Variants in MTMR9 observed in about 807,000 individuals in gnomAD.
The protein encoded by MTMR9 is myotubularin-related protein 9.
A neutral mutation model predicts 69.5 loss-of-function variants in MTMR9; 39 were observed. The observed-to-expected ratio is 0.56, with a 90% CI of 0.43 to 0.73. The LOEUF (loss-of-function observed/expected upper bound fraction) is 0.73, where lower values mean the gene tolerates loss of function less well. Among genes scored for constraint, MTMR9 ranks in the 30% least tolerant of loss-of-function variants. The pLI is 0.00. For missense variants in MTMR9, 900 were observed against 671.2 expected (o/e 1.34, Z -3.77); for synonymous variants, 354 against 240.8 (o/e 1.47, Z -4.35).
At chr8:11,298,750 C>CT in intron 2 of MTMR9, 1 of 670,612 alleles carries the variant, frequency 1.5e-6, no homozygotes, top group East Asian at 1.7e-4. Flanking sequence ...TATAGAAATA[C>CT]TTTTTTCCAT....
At chr8:11,328,848 A>G (rs1801065339), downstream of MTMR9, among the ~76,000 whole-genome samples, 1 of 152,258 alleles carries the variant, frequency 6.6e-6, no homozygotes, top group South Asian at 2.1e-4. Flanking sequence ...GCCTTCTGAT[A>G]TGATCCATCC....
rs1482540515 is a variant in MTMR9 at position 11,324,507 on chromosome 8, G to GT, written c.*1721dup. On this transcript the variant is annotated 3_prime_UTR_variant, in exon 10 of 10. Transcript: ENST00000221086. ...TGTGTGAAATGTCCATCTTAGTTTT[G>GT]TTAAAAAAAAAAAAAAAAAAAGGAA... 3.5e-5 allele frequency: 3 copies of GT among 86,074 alleles called. No homozygotes were observed. Among genetic ancestry groups the GT allele is most frequent in the African/African-American group, 9.6e-5 (2 of 20,904 alleles). The allele number at this position is 86,074 out of a possible 1,614,324, so 5.3% of individuals were successfully genotyped here. A position where few individuals can be genotyped will look rare whatever the true frequency, so the allele number is the denominator to read the frequency against.
At chr8:11,300,955 T>C (rs1433560685) in intron 3 of MTMR9, among the ~76,000 whole-genome samples, 2 of 152,202 alleles carry the variant, frequency 1.3e-5, no homozygotes, top group Non-Finnish European at 2.9e-5. Flanking sequence ...ATGTGGTCTC[T>C]GTTGTAACTA....
intron 6 of MTMR9, among the ~76,000 whole-genome samples, chr8:11,311,807 A>G (rs1259578334): frequency 6.6e-6 from 1 of 151,998 alleles, no homozygotes; most frequent in African/African-American, 2.4e-5. Flanking sequence ...CCACGGTTGA[A>G]CTTGCAAAAT....
chr8:11,299,956 T>A, intron 2 of MTMR9, 67 bp from the exon 3 acceptor site: 1 of 1,555,584 alleles, frequency 6.4e-7, no homozygotes, highest in African/African-American at 1.4e-5. Flanking sequence ...AATACTAATT[T>A]GTCAGTTAGA....
intron 1 of MTMR9, among the ~76,000 whole-genome samples, chr8:11,287,919 A>T (rs1799235220): frequency 7.8e-6 from 1 of 127,614 alleles, no homozygotes; most frequent in African/African-American, 3.0e-5. Context: ...AATATGTATT[A>T]TATATTATAT....
chr8:11,311,727 G>C (rs540093151), intron 6 of MTMR9, among the ~76,000 whole-genome samples: 2 of 152,120 alleles, frequency 1.3e-5, no homozygotes, highest in Non-Finnish European at 2.9e-5. Context: ...GAAGATTGCC[G>C]CATCAATTGA....
intron 1 of MTMR9, among the ~76,000 whole-genome samples, chr8:11,288,461 G>A (rs1799271145): frequency 6.6e-6 from 1 of 151,338 alleles, no homozygotes; most frequent in African/African-American, 2.4e-5. Context: ...AAGGATTTCA[G>A]AGAAGGCAGG....
chr8:11,309,797 G>C, intron 6 of MTMR9, 109 bp downstream of exon 6: 1 of 1,174,120 alleles, frequency 8.5e-7, no homozygotes, highest in Admixed American at 2.4e-5. Flanking sequence ...GTAAATTACT[G>C]TGTAGGCTAG....
chr8:11,308,488 G>A (rs1275489588), intron 5 of MTMR9, among the ~76,000 whole-genome samples: 2 of 152,132 alleles, frequency 1.3e-5, no homozygotes, highest in African/African-American at 4.8e-5. Flanking sequence ...CAGGACCAGG[G>A]CTTTTCTTTG....
chr8:11,319,915 A>G (rs970418386), intron 9 of MTMR9, 77 bp downstream of exon 9: 3 of 1,454,424 alleles, frequency 2.1e-6, no homozygotes, highest in Admixed American at 3.8e-5. Flanking sequence ...GCTGTTGGTG[A>G]TGTATGAAGA....
At chr8:11,297,576 C>G (rs1356816501) in intron 2 of MTMR9, among the ~76,000 whole-genome samples, 1 of 147,882 alleles carries the variant, frequency 6.8e-6, no homozygotes, top group Non-Finnish European at 1.5e-5. Context: ...ACTGACCAGT[C>G]TTCGTTTTTC....
chr8:11,311,233 A>T (rs2117427201), intron 6 of MTMR9, among the ~76,000 whole-genome samples: 1 of 152,338 alleles, frequency 6.6e-6, no homozygotes, highest in African/African-American at 2.4e-5. Context: ...ACTTCAGGGA[A>T]TCTGTTACTT....
chr8:11,318,373 A>G (rs2117452527), intron 8 of MTMR9: 1 of 152,338 alleles, frequency 6.6e-6, no homozygotes, highest in East Asian at 1.9e-4. Flanking sequence ...ATAGCGTGGG[A>G]CATGCTATCC....
chr8:11,331,084 G>A (rs891680383), downstream of MTMR9: 6 of 1,574,974 alleles, frequency 3.8e-6, no homozygotes, highest in Non-Finnish European at 5.2e-6. Context: ...GAGCCAGGAG[G>A]AGAGGAGAAA....
intron 1 of MTMR9, chr8:11,294,961 A>T (rs1799500858): frequency 7.2e-6 from 2 of 277,398 alleles, no homozygotes; most frequent in African/African-American, 2.2e-5. Context: ...CCATCAGAAC[A>T]GTTAGCTTAA....
intron 1 of MTMR9, among the ~76,000 whole-genome samples, chr8:11,292,413 A>C (rs546707737): frequency 1.3e-5 from 2 of 152,162 alleles, no homozygotes; most frequent in African/African-American, 4.8e-5. Flanking sequence ...AGCTGCCCCA[A>C]CTGTTTTCCA....
intron 9 of MTMR9, among the ~76,000 whole-genome samples, chr8:11,322,078 C>G (rs1465468336): frequency 6.6e-6 from 1 of 152,102 alleles, no homozygotes; most frequent in Non-Finnish European, 1.5e-5. Context: ...AAGAAATTGC[C>G]TGCAGAATTG....
At chr8:11,300,508 A>T (rs955163398) in intron 3 of MTMR9, 1 of 154,008 alleles carries the variant, frequency 6.5e-6, no homozygotes, top group African/African-American at 2.4e-5. Context: ...GTGTTTAGAG[A>T]TAAACTTACA....
Sources: allele counts gnomAD v4.1 joint callset (sites outside exome capture counted in the v4.1 genomes callset), GRCh38; gene constraint gnomAD v4.1.1; transcripts MANE v1.5; gene names NCBI Gene and HGNC (gene_info 2026-07-23, HGNC 2026-07-21).